MYBPC1: variants seen among roughly 807,000 people sequenced by gnomAD.
The protein encoded by MYBPC1 is myosin binding protein C1.
A neutral mutation model predicts 147.1 loss-of-function variants in MYBPC1; 52 were observed. The observed-to-expected ratio is 0.35, with a 90% CI of 0.28 to 0.45. The LOEUF (loss-of-function observed/expected upper bound fraction) is 0.45, where lower values mean the gene tolerates loss of function less well. Among genes scored for constraint, MYBPC1 ranks in the 20% least tolerant of loss-of-function variants. The probability of loss-of-function intolerance (pLI) is 1.00; values close to 1 mark genes in which losing one functional copy is unlikely to be tolerated. For missense variants in MYBPC1, 1,228 were observed against 1,440.3 expected (o/e 0.85, Z 2.39); for synonymous variants, 477 against 475.9 (o/e 1.00, Z -0.03).
At chr12:101,645,778 T>C (rs1892973371) in intron 12 of MYBPC1, among the ~76,000 whole-genome samples, 2 of 152,346 alleles carry the variant, frequency 1.3e-5, no homozygotes, top group East Asian at 3.8e-4. Flanking sequence ...TGCTCCTCCA[T>C]AATACAGATC....
At chr12:101,677,087 A>G (rs893029089) in intron 26 of MYBPC1, 148 bp from the exon 27 acceptor site, 5 of 731,228 alleles carry the variant, frequency 6.8e-6, no homozygotes, top group Non-Finnish European at 1.1e-5. Flanking sequence ...CATTTTAACA[A>G]CATATATTAT....
chr12:101,603,357 A>G (rs1880864341), intron 1 of MYBPC1, among the ~76,000 whole-genome samples: 1 of 152,024 alleles, frequency 6.6e-6, no homozygotes, highest in East Asian at 1.9e-4. Context: ...AAAAAAAAAA[A>G]AAGAAGATTT....
chr12:101,673,464 G>A lies in MYBPC1; in HGVS notation c.2651G>A (p.Gly884Asp), dbSNP rs766513287. ...CCAGAATTAACTTGGAAGAAGGATG[G>A]TGCAGAAATTGATAAGAATCAAATA... The part of the protein sequence containing the change: ...PRPELTWKKD[G>D]AEIDKNQINI... Residue 884 changes from glycine to aspartate, a missense_variant, in exon 25 of 32, where the codon GGT (glycine) becomes GAT (aspartate). This residue lies in a region of MYBPC1 where 1,077 missense variants were observed against 1,314.2 expected (regional missense o/e 0.82). Transcript: ENST00000361466. 2 of 1,613,406 alleles carry A rather than the reference G, an allele frequency of 1.2e-6. No homozygotes were observed. Among genetic ancestry groups the A allele is most frequent in the South Asian group, 1.1e-5 (1 of 91,050 alleles).
intron 31 of MYBPC1, 117 bp downstream of exon 31, chr12:101,684,541 A>T: frequency 3.8e-6 from 3 of 785,726 alleles, no homozygotes; most frequent in Non-Finnish European, 6.3e-6. Context: ...CTTATTTTAA[A>T]TCCCTAACTT....
At chr12:101,679,485 T>C (rs1168278884) in intron 28 of MYBPC1, among the ~76,000 whole-genome samples, 1 of 151,964 alleles carries the variant, frequency 6.6e-6, no homozygotes, top group African/African-American at 2.4e-5. Flanking sequence ...CAAGACAAAA[T>C]AATAGAAGAG....
intron 8 of MYBPC1, among the ~76,000 whole-genome samples, chr12:101,633,132 G>C (rs1727092): frequency 0.2 from 30,875 of 152,074 alleles, 3,277 homozygotes; most frequent in Middle Eastern, 0.27. Context: ...TCTACATTTG[G>C]AGTGATGTCT....
At chr12:101,632,182 G>C (rs1227644933) in intron 8 of MYBPC1, 44 bp downstream of exon 8, 3 of 1,293,164 alleles carry the variant, frequency 2.3e-6, no homozygotes, top group Non-Finnish European at 3.4e-6. Flanking sequence ...TTTTTAATGG[G>C]GTGTGAGGGG....
intron 10 of MYBPC1, among the ~76,000 whole-genome samples, chr12:101,641,482 C>A (rs1892029858): frequency 6.6e-6 from 1 of 152,118 alleles, no homozygotes; most frequent in Admixed American, 6.5e-5. Context: ...AATCTTAAAT[C>A]TTACTTAAAT....
chr12:101,694,038 A>G, the MYBPC1 span, among the ~76,000 whole-genome samples: 1 of 152,188 alleles, frequency 6.6e-6, no homozygotes, highest in Non-Finnish European at 1.5e-5. Context: ...AATAAAATGG[A>G]AGAAGTCTGT....
intron 19 of MYBPC1, 128 bp from the exon 20 acceptor site, chr12:101,661,030 T>G: frequency 1.6e-6 from 1 of 643,118 alleles, no homozygotes; most frequent in East Asian, 2.9e-5. Flanking sequence ...CATAATTCAG[T>G]AAACATGGGA....
At chr12:101,666,480 T>G in intron 22 of MYBPC1, 4 of 424,800 alleles carry the variant, frequency 9.4e-6, no homozygotes, top group East Asian at 9.7e-5. Flanking sequence ...CCAGCCTCCT[T>G]TCTCCTCTTC....
intron 28 of MYBPC1, 99 bp downstream of exon 28, chr12:101,678,337 T>C (rs983785303): frequency 1.3e-6 from 2 of 1,523,410 alleles, no homozygotes; most frequent in Non-Finnish European, 1.8e-6. Flanking sequence ...GCTACTTGTG[T>C]CTTCCCAGGA....
At position 101,613,330 on chromosome 12, in the gene MYBPC1, C is replaced by T. The variant is rs142785597; in HGVS notation, c.26-1166C>T. Among the ~76,000 whole-genome samples the T allele has an allele frequency of 2.8e-3, 431 of 152,262 alleles. 4 individuals carry two copies. Among genetic ancestry groups the T allele is most frequent in the African/African-American group, 9.6e-3 (399 of 41,550 alleles). ...AAACTGCTTGTTATGGGGCATCGTC[C>T]GCCCTGCTTAACAAGAGTCACTTGT... On this transcript the variant is annotated intron_variant, in intron 1 of 31. Coordinates refer to ENST00000361466, the MANE Select transcript of MYBPC1 (RefSeq NM_002465.4).
chr12:101,611,179 C>T (rs945093245), intron 1 of MYBPC1, among the ~76,000 whole-genome samples: 11 of 152,204 alleles, frequency 7.2e-5, no homozygotes, highest in Non-Finnish European at 1.3e-4. Flanking sequence ...CTGCAACCAT[C>T]CCACAACGGT....
downstream of MYBPC1, among the ~76,000 whole-genome samples, chr12:101,687,895 A>G (rs117365261): frequency 3.4e-3 from 515 of 152,308 alleles, 1 homozygote; most frequent in Admixed American, 6.5e-3. Context: ...TATATTTTGT[A>G]CTAGATAATG....
chr12:101,642,352 C>T, intron 10 of MYBPC1, 67 bp from the exon 11 acceptor site: 1 of 1,540,518 alleles, frequency 6.5e-7, no homozygotes, highest in Non-Finnish European at 9.0e-7. Flanking sequence ...CAGAATTATA[C>T]CTCGACCTTC....
At chr12:101,654,993 C>G (rs1403818914) in intron 18 of MYBPC1, among the ~76,000 whole-genome samples, 1 of 152,184 alleles carries the variant, frequency 6.6e-6, no homozygotes, top group African/African-American at 2.4e-5. Flanking sequence ...AAGCACCCAA[C>G]ATGACAAAAT....
At position 101,670,606 on chromosome 12, in the gene MYBPC1, A is replaced by G. The variant is rs3751247; in HGVS notation, c.2613+197A>G. Among the ~76,000 whole-genome samples, 102,788 of 152,104 alleles carry G rather than the reference A, an allele frequency of 0.68. 35,602 individuals are homozygous for G. The highest frequency in any genetic ancestry group is 0.8 in the Admixed American group (12,153 of 15,284). On this transcript the variant is annotated intron_variant, in intron 24 of 31. Transcript: ENST00000361466. ...CAAAATAGAGAAATCTATAGAAACC[A>G]TCACAGATTTTCTTTCTGCATGAGA...
At chr12:101,689,896 C>T (rs746828475), downstream of MYBPC1, among the ~76,000 whole-genome samples, 14 of 152,270 alleles carry the variant, frequency 9.2e-5, no homozygotes, top group South Asian at 2.1e-4. Flanking sequence ...AACTCTCTGC[C>T]GGGCGCGGTG....
Sources: gnomAD v4.1 joint callset for allele counts (sites outside exome capture counted in the v4.1 genomes callset) on GRCh38, gnomAD v4.1.1 for gene constraint, gnomAD v4.1.1 regional missense constraint, MANE v1.5 for transcripts, NCBI Gene and HGNC (gene_info 2026-07-23, HGNC 2026-07-21) for gene names.